The following KLHDC4 variants were observed in gnomAD, a reference collection of about 807,000 sequenced individuals.
KLHDC4 encodes the protein kelch domain containing 4, also known as kelch domain-containing protein 4.
KLHDC4 carries 90 observed loss-of-function variants against 62.4 expected under a neutral mutation model. The observed-to-expected ratio is 1.44, with a 90% CI of 1.22 to 1.72. KLHDC4 has a LOEUF of 1.72. Among genes scored for constraint, KLHDC4 ranks in the 40% most tolerant of loss-of-function variants. The probability of loss-of-function intolerance (pLI) is 0.00; values close to 1 mark genes in which losing one functional copy is unlikely to be tolerated. For synonymous variants in KLHDC4, 386 were observed against 284.4 expected (o/e 1.36, Z -3.59); for missense variants, 1,025 against 699.7 (o/e 1.47, Z -5.25).
At chr16:87,762,365 A>G (rs948155329) in intron 1 of KLHDC4, among the ~76,000 whole-genome samples, 9 of 151,430 alleles carry the variant, frequency 5.9e-5, no homozygotes, top group African/African-American at 2.2e-4. Context: ...CATAACCCAG[A>G]CTCGAGCCGT....
intron 2 of KLHDC4, among the ~76,000 whole-genome samples, chr16:87,758,905 T>C (rs898178065): frequency 2.0e-5 from 3 of 152,164 alleles, no homozygotes; most frequent in Non-Finnish European, 2.9e-5. Flanking sequence ...GCCAGGCGCA[T>C]TGGCTCATGC....
intron 1 of KLHDC4, among the ~76,000 whole-genome samples, chr16:87,764,079 C>T (rs769154490): frequency 4.1e-4 from 63 of 152,140 alleles, no homozygotes; most frequent in South Asian, 8.3e-4. Flanking sequence ...TCCAAACTGT[C>T]CCCAATCCTT....
chr16:87,732,103 T>TTTC (rs759421959), intron 5 of KLHDC4, among the ~76,000 whole-genome samples: 36 of 150,690 alleles, frequency 2.4e-4, no homozygotes, highest in African/African-American at 6.8e-4. Context: ...ATTTCTTTTT[T>TTTC]TTTTTTTTTT....
At chr16:87,717,977 C>T (rs1179395943) in intron 7 of KLHDC4, among the ~76,000 whole-genome samples, 1 of 152,158 alleles carries the variant, frequency 6.6e-6, no homozygotes, top group East Asian at 1.9e-4. Flanking sequence ...TGGAGCACTT[C>T]ACAAGGCCTG....
chr16:87,714,779 G>A (rs771216019), intron 7 of KLHDC4, among the ~76,000 whole-genome samples: 2 of 152,104 alleles, frequency 1.3e-5, no homozygotes, highest in Non-Finnish European at 2.9e-5. Context: ...ATCTGAAGAG[G>A]CCACCTTTCT....
chr16:87,749,553 C>CAAAAAAAAAA (rs74585020), intron 4 of KLHDC4, among the ~76,000 whole-genome samples: 1 of 76,148 alleles, frequency 1.3e-5, no homozygotes, highest in Non-Finnish European at 2.6e-5. Context: ...GACTCCATGT[C>CAAAAAAAAAA]AAAAAAAAAA....
intron 7 of KLHDC4, among the ~76,000 whole-genome samples, chr16:87,723,043 G>T (rs1567702807): frequency 6.6e-6 from 1 of 152,230 alleles, no homozygotes; most frequent in African/African-American, 2.4e-5. Flanking sequence ...ATGCCAAGAG[G>T]ACAGAGCATG....
Position 87,726,761 on chromosome 16 carries a change from T to G in KLHDC4, c.759+4A>C. ...CTTGCCTGTTTCCCCACCCCCCGCC[T>G]TACCTGTTTCGAGTAGCCCCCATAG... On this transcript the variant is annotated splice_donor_region_variant and intron_variant, in intron 7 of 11. Coordinates refer to ENST00000270583, the MANE Select transcript of KLHDC4 (RefSeq NM_017566.4). 3.5e-6 allele frequency: 5 copies of G among 1,421,742 alleles called. No homozygotes were observed. The highest frequency in any genetic ancestry group is 2.8e-6 in the Non-Finnish European group (3 of 1,074,208). The allele number at this position is 1,421,742 out of a possible 1,614,324, so 88.1% of individuals were successfully genotyped here. A position where few individuals can be genotyped will look rare whatever the true frequency, so the allele number is the denominator to read the frequency against.
At chr16:87,759,623 A>G (rs1436757255) in intron 2 of KLHDC4, among the ~76,000 whole-genome samples, 1 of 151,248 alleles carries the variant, frequency 6.6e-6, no homozygotes, top group Non-Finnish European at 1.5e-5. Context: ...GTGCATGCCT[A>G]TTGTCCCAGC....
rs372201322 is a variant in KLHDC4 at position 87,749,998 on chromosome 16, AGG to A, written c.370-1191_370-1190del. Among the ~76,000 whole-genome samples the A allele has an allele frequency of 3.3e-3, 506 of 152,320 alleles. 3 individuals are homozygous for A. The highest frequency in any genetic ancestry group is 0.012 in the African/African-American group (493 of 41,570). On this transcript the variant is annotated intron_variant, in intron 4 of 11. Coordinates refer to ENST00000270583, the MANE Select transcript of KLHDC4 (RefSeq NM_017566.4). ...AGCACTCCGGCAGCAGGGGATGCTG[AGG>A]AGAGAGCAGACCACCAATCAAAAAC... is the stretch of plus-strand genomic sequence containing the variant.
At chr16:87,719,914 C>T (rs534133327) in intron 7 of KLHDC4, among the ~76,000 whole-genome samples, 6 of 152,286 alleles carry the variant, frequency 3.9e-5, no homozygotes, top group Non-Finnish European at 7.3e-5. Context: ...GCGCATCGGC[C>T]GCACACGCCA....
rs530276734 is a variant in KLHDC4 at position 87,734,021 on chromosome 16, G to T, written c.507-3377C>A. On this transcript the variant is annotated intron_variant, in intron 5 of 11. Transcript: ENST00000270583. ...CCAAAACCCACTTACAGGGTTTTAT[G>T]TAAAAGCCCAGAAATGGGCAGGTAC... Among the ~76,000 whole-genome samples, 1,252 of 152,332 alleles carry T rather than the reference G, an allele frequency of 8.2e-3. 12 individuals carry two copies. Among genetic ancestry groups the T allele is most frequent in the African/African-American group, 0.028 (1,178 of 41,572 alleles).
chr16:87,765,204 G>T (rs1004279428), intron 1 of KLHDC4: 1 of 456,044 alleles, frequency 2.2e-6, no homozygotes, highest in Middle Eastern at 3.3e-4. Flanking sequence ...TGCAGACCCC[G>T]GGCTGAGGAC....
chr16:87,761,004 G>C (rs910294022), intron 2 of KLHDC4, among the ~76,000 whole-genome samples: 1 of 152,070 alleles, frequency 6.6e-6, no homozygotes, highest in Non-Finnish European at 1.5e-5. Context: ...CTGTACTCCA[G>C]CCTGGATGAC....
chr16:87,714,700 C>T, intron 7 of KLHDC4, 127 bp from the exon 8 acceptor site: 4 of 971,324 alleles, frequency 4.1e-6, no homozygotes, highest in Non-Finnish European at 6.4e-6. Flanking sequence ...AGCCCCAAAG[C>T]TCCAAAGCGT....
In KLHDC4 at chr16:87,715,684, G is replaced by C. The variant is rs894958810; in HGVS notation, c.760-1111C>G. 3.3e-5 allele frequency among the ~76,000 whole-genome samples: 5 copies of C among 152,270 alleles called. No homozygotes were observed. In the East Asian group the frequency reaches 9.6e-4, roughly 29 times the overall value. On this transcript the variant is annotated intron_variant, in intron 7 of 11. Coordinates refer to ENST00000270583, the MANE Select transcript of KLHDC4 (RefSeq NM_017566.4). ...GTTATGAATCATTAGGACGATCCCCGGGGTGAAGTGCCCATCTCATCACAT... is the reference window on the plus strand; with the variant it reads ...GTTATGAATCATTAGGACGATCCCCCGGGTGAAGTGCCCATCTCATCACAT...
Position 87,719,636 on chromosome 16 carries a change from C to A in KLHDC4, c.760-5063G>T, listed in dbSNP as rs1186202843. On this transcript the variant is annotated intron_variant, in intron 7 of 11. Coordinates refer to ENST00000270583, the MANE Select transcript of KLHDC4 (RefSeq NM_017566.4). ...TCCTATGACCCAGCCAAATCCCCCTCTCCGAGAAACACCCAAGAATGATCA... is the reference window on the plus strand; with the variant it reads ...TCCTATGACCCAGCCAAATCCCCCTATCCGAGAAACACCCAAGAATGATCA... 5.9e-5 allele frequency among the ~76,000 whole-genome samples: 9 copies of A among 151,434 alleles called. No homozygotes were observed. In the South Asian group the frequency reaches 6.3e-4, roughly 11 times the overall value.
intron 7 of KLHDC4, among the ~76,000 whole-genome samples, chr16:87,716,358 T>G (rs1411467760): frequency 6.6e-6 from 1 of 152,186 alleles, no homozygotes; most frequent in Non-Finnish European, 1.5e-5. Context: ...GGGTACGCGC[T>G]ATGTCTCGTG....
At chr16:87,735,893 C>T (rs1022843864) in intron 5 of KLHDC4, among the ~76,000 whole-genome samples, 9 of 152,228 alleles carry the variant, frequency 5.9e-5, no homozygotes, top group African/African-American at 1.4e-4. Context: ...CTCGACTGGG[C>T]CGCTGTGGTG....
Sources: gnomAD v4.1 joint callset for allele counts (sites outside exome capture counted in the v4.1 genomes callset) on GRCh38, gnomAD v4.1.1 for gene constraint, MANE v1.5 for transcripts, NCBI Gene and HGNC (gene_info 2026-07-23, HGNC 2026-07-21) for gene names.